The following AP2A1 variants were observed in gnomAD, a reference collection of about 807,000 sequenced individuals.
AP2A1 encodes AP-2 complex subunit alpha-1.
Under a neutral mutation model 107.3 loss-of-function variants are expected in AP2A1, and 21 were observed. The ratio of observed to expected loss-of-function variants is 0.20; its 90% CI spans 0.14 to 0.28. The LOEUF (loss-of-function observed/expected upper bound fraction) is 0.28, where lower values mean the gene tolerates loss of function less well. AP2A1 is among the 10% of genes least tolerant of loss of function. The pLI is 1.00. For synonymous variants in AP2A1, 602 were observed against 564.8 expected (o/e 1.07, Z -0.93); for missense variants, 873 against 1,307.7 (o/e 0.67, Z 5.13).
At position 49,807,024 on chromosome 19, in the gene AP2A1, C is replaced by CAA; in HGVS notation, c.*266_*267insAA. On this transcript the variant is annotated 3_prime_UTR_variant, in exon 23 of 23. Coordinates refer to ENST00000354293, the MANE Select transcript of AP2A1 (RefSeq NM_130787.3). Reference sequence around the variant, plus strand: ...GCCAGGGAAGTGGATGTCTCCTCCCCTCCCACCCCACCCTGTTGTAGCCCC... The same window carrying CAA: ...GCCAGGGAAGTGGATGTCTCCTCCCCAATCCCACCCCACCCTGTTGTAGCCCC... 4.7e-6 allele frequency: 7 copies of CAA among 1,478,200 alleles called. No individual in the cohort carries two copies. The highest frequency in any genetic ancestry group is 5.5e-6 in the Non-Finnish European group (6 of 1,099,780). The allele number at this position is 1,478,200 out of a possible 1,614,324, so 91.6% of individuals were successfully genotyped here.
In AP2A1 at chr19:49,795,613, T is replaced by A; in HGVS notation, c.706-17T>A. 8.5e-7 allele frequency: 1 copy of A among 1,170,296 alleles called. No homozygotes were observed. 72.5% of individuals were successfully genotyped at this position (1,170,296 alleles called of 1,614,324 possible). ...CCCACCCCAGCCCCCAACTTATTTC[T>A]TGCTCTTCCCCGCCAGATCGTCTCC... On this transcript the variant is annotated splice_polypyrimidine_tract_variant and intron_variant, in intron 6 of 22. Coordinates refer to ENST00000354293, the MANE Select transcript of AP2A1 (RefSeq NM_130787.3).
At chr19:49,797,547 A>T (rs2073227401) in intron 7 of AP2A1, 1 of 152,162 alleles carries the variant, frequency 6.6e-6, no homozygotes, top group Non-Finnish European at 1.5e-5. Context: ...CAACATGGCA[A>T]AACCCCATCT....
At chr19:49,775,656 G>T (rs766833578) in intron 1 of AP2A1, among the ~76,000 whole-genome samples, 3 of 152,144 alleles carry the variant, frequency 2.0e-5, no homozygotes, top group Non-Finnish European at 2.9e-5. Flanking sequence ...GCCTGTCTCA[G>T]CCTCCCAAAG....
intron 4 of AP2A1, among the ~76,000 whole-genome samples, chr19:49,783,716 C>T (rs2084704734): frequency 6.6e-6 from 1 of 152,176 alleles, no homozygotes; most frequent in Non-Finnish European, 1.5e-5. Context: ...CTGGGTGAAC[C>T]CGAGTATCGG....
Position 49,805,709 on chromosome 19 carries a change from C to T in AP2A1, c.2517C>T (p.Ile839=). Residue 839 remains isoleucine, a synonymous_variant, in exon 20 of 23, where the codon ATC becomes ATT. Transcript: ENST00000354293. ...QALTLKLPVT[I]NKFFQPTEMA... ...TCACCCTGAAGCTCCCAGTGACCATCAACAAGTTCTTCCAGCCCACCGAGA... is the reference window on the plus strand; with the variant it reads ...TCACCCTGAAGCTCCCAGTGACCATTAACAAGTTCTTCCAGCCCACCGAGA... 5.8e-6 allele frequency: 9 copies of T among 1,564,974 alleles called. No homozygotes were observed. Among genetic ancestry groups the T allele is most frequent in the Non-Finnish European group, 7.8e-6 (9 of 1,157,218 alleles).
chr19:49,800,205 C>G (rs1600240685), intron 11 of AP2A1, 55 bp downstream of exon 11: 2 of 1,535,792 alleles, frequency 1.3e-6, no homozygotes, highest in Non-Finnish European at 1.8e-6. Flanking sequence ...AGAGGCAGAG[C>G]AAGGATGGCC....
chr19:49,795,605 C>T (rs1568583975), intron 6 of AP2A1, 25 bp from the exon 7 acceptor site: 15 of 812,142 alleles, frequency 1.8e-5, no homozygotes, highest in East Asian at 4.2e-5. Flanking sequence ...CAGCCCCCAA[C>T]TTATTTCTTG....
At chr19:49,789,865 T>A (rs2073120659) in intron 4 of AP2A1, among the ~76,000 whole-genome samples, 1 of 152,214 alleles carries the variant, frequency 6.6e-6, no homozygotes, top group Non-Finnish European at 1.5e-5. Flanking sequence ...CAGGCGTGTC[T>A]GACCCCAGAA....
chr19:49,792,969 T>G (rs1232874081), intron 5 of AP2A1, 22 bp from the exon 6 acceptor site: 9 of 1,575,674 alleles, frequency 5.7e-6, no homozygotes, highest in Admixed American at 1.8e-5. Context: ...GGGCCTGACT[T>G]GTCTCTCCTC....
At chr19:49,800,374 C>T (rs2073263074) in intron 11 of AP2A1, among the ~76,000 whole-genome samples, 1 of 152,214 alleles carries the variant, frequency 6.6e-6, no homozygotes, top group South Asian at 2.1e-4. Flanking sequence ...CATGGGGCAC[C>T]CAGTGTGCAG....
chr19:49,801,814 C>T lies in AP2A1; in HGVS notation c.1878C>T (p.Ser626=). ...LKRKKGPGAG[S]ALDDGRRDPS... ...GCAAGAAGGGGCCAGGGGCCGGCAGCGCCCTGGACGATGGCCGGAGGGACC... is the reference window on the plus strand; with the variant it reads ...GCAAGAAGGGGCCAGGGGCCGGCAGTGCCCTGGACGATGGCCGGAGGGACC... The change falls in exon 14 of 23, where the codon AGC becomes AGT. Residue 626 remains serine, a synonymous_variant. Coordinates refer to ENST00000354293, the MANE Select transcript of AP2A1 (RefSeq NM_130787.3). The T allele has an allele frequency of 2.0e-6, 3 of 1,537,774 alleles. No individual in the cohort carries two copies. Among genetic ancestry groups the T allele is most frequent in the African/African-American group, 1.4e-5 (1 of 72,830 alleles).
chr19:49,805,388 T>G (rs1051958077), intron 18 of AP2A1, 65 bp from the exon 19 acceptor site: 4 of 1,455,304 alleles, frequency 2.7e-6, no homozygotes, highest in Non-Finnish European at 1.8e-6. Context: ...AGCTCTGGGG[T>G]TCCTGACCCA....
At chr19:49,802,239 C>CCCCCT in intron 15 of AP2A1, 98 bp downstream of exon 15, 1 of 985,872 alleles carries the variant, frequency 1.0e-6, no homozygotes, top group Non-Finnish European at 1.6e-6. Flanking sequence ...TCCCCCGCCC[C>CCCCCT]CGACTCGCTC....
At chr19:49,778,037 ATATT>A (rs2084634805) in intron 1 of AP2A1, among the ~76,000 whole-genome samples, 1 of 152,154 alleles carries the variant, frequency 6.6e-6, no homozygotes, top group Admixed American at 6.6e-5. Flanking sequence ...CATATGATAT[ATATT>A]TCTTTAAATT....
Position 49,781,010 on chromosome 19 carries a change from CAG to C in AP2A1, c.68-742_68-741del, listed in dbSNP as rs372496728. Among the ~76,000 whole-genome samples the C allele has an allele frequency of 5.4e-3, 826 of 152,146 alleles. 8 individuals carry two copies. Among genetic ancestry groups the C allele is most frequent in the African/African-American group, 0.017 (692 of 41,480 alleles). Reference sequence around the variant, plus strand: ...GTGAGTGGAACAGGGACAGGAGAAGCAGAGAGGGCAGCCGAGAGCATCCAGTC... The same window carrying C: ...GTGAGTGGAACAGGGACAGGAGAAGCAGAGGGCAGCCGAGAGCATCCAGTC... On this transcript the variant is annotated intron_variant, in intron 1 of 22. Coordinates refer to ENST00000354293, the MANE Select transcript of AP2A1 (RefSeq NM_130787.3).
rs548943484 is a variant in AP2A1 at position 49,775,815 on chromosome 19, C to T, written c.68-5942C>T. On this transcript the variant is annotated intron_variant, in intron 1 of 22. Coordinates refer to ENST00000354293, the MANE Select transcript of AP2A1 (RefSeq NM_130787.3). ...GTCTAGAAGGCTCTGAAGGCCTTTG[C>T]GGTGAGATGCTGGGTGATGCCTGTG... Among the ~76,000 whole-genome samples, 76 of 152,314 alleles carry T rather than the reference C, an allele frequency of 5.0e-4. 1 individual carries two copies. The highest frequency in any genetic ancestry group is 6.5e-4 in the African/African-American group (27 of 41,574).
At chr19:49,796,354 A>C (rs1273862014) in intron 7 of AP2A1, 1 of 152,408 alleles carries the variant, frequency 6.6e-6, no homozygotes, top group Non-Finnish European at 1.5e-5. Flanking sequence ...GTTGGCCCCC[A>C]GACTCTCTGC....
intron 1 of AP2A1, among the ~76,000 whole-genome samples, chr19:49,771,814 AG>A (rs1425964454): frequency 2.6e-5 from 4 of 152,014 alleles, no homozygotes; most frequent in Admixed American, 1.3e-4. Context: ...GTGGTCAGCG[AG>A]CTGCGGCCTG....
chr19:49,775,940 A>G (rs568181598), intron 1 of AP2A1, among the ~76,000 whole-genome samples: 64 of 152,248 alleles, frequency 4.2e-4, no homozygotes, highest in African/African-American at 1.4e-3. Flanking sequence ...TGGGGCTTAC[A>G]TGTTTAGGGA....
Sources: allele counts gnomAD v4.1 joint callset (sites outside exome capture counted in the v4.1 genomes callset), GRCh38; gene constraint gnomAD v4.1.1; transcripts MANE v1.5; gene names NCBI Gene and HGNC (gene_info 2026-07-23, HGNC 2026-07-21).